The following OSBPL6 variants were observed in gnomAD, a reference collection of about 807,000 sequenced individuals.
OSBPL6 encodes the protein oxysterol binding protein like 6.
Under a neutral mutation model 125.8 loss-of-function variants are expected in OSBPL6, and 49 were observed. The observed-to-expected ratio is 0.39, with a 90% CI of 0.31 to 0.49. The LOEUF is 0.49. Among genes scored for constraint, OSBPL6 ranks in the 20% least tolerant of loss-of-function variants. The probability of loss-of-function intolerance (pLI) is 0.88; values close to 1 mark genes in which losing one functional copy is unlikely to be tolerated. For synonymous variants in OSBPL6, 394 were observed against 391.8 expected (o/e 1.01, Z -0.07); for missense variants, 986 against 1,135.4 (o/e 0.87, Z 1.89).
At chr2:178,209,845 G>A (rs912089795) in intron 1 of OSBPL6, among the ~76,000 whole-genome samples, 13 of 151,516 alleles carry the variant, frequency 8.6e-5, no homozygotes, top group South Asian at 4.2e-4. Context: ...GAAGGCTACA[G>A]GTCTGGCTAC....
chr2:178,313,451 A>G (rs1396281765), intron 3 of OSBPL6, among the ~76,000 whole-genome samples: 5 of 152,206 alleles, frequency 3.3e-5, no homozygotes, highest in African/African-American at 1.2e-4. Flanking sequence ...TATCTCCACC[A>G]GGTTAGACCT....
At chr2:178,361,375 ATAAGT>A (rs1692340336) in intron 12 of OSBPL6, among the ~76,000 whole-genome samples, 1 of 152,260 alleles carries the variant, frequency 6.6e-6, no homozygotes, top group South Asian at 2.1e-4. Flanking sequence ...TCTAGGGATT[ATAAGT>A]TAATTTCTAA....
intron 3 of OSBPL6, among the ~76,000 whole-genome samples, chr2:178,314,290 C>T (rs7584978): frequency 0.11 from 16,046 of 152,172 alleles, 1,039 homozygotes; most frequent in African/African-American, 0.18. Flanking sequence ...CAATTACAAT[C>T]ACCTCCAGTG....
chr2:178,327,208 T>C (rs1241775836), intron 4 of OSBPL6, among the ~76,000 whole-genome samples: 1 of 152,204 alleles, frequency 6.6e-6, no homozygotes, highest in Non-Finnish European at 1.5e-5. Flanking sequence ...TAGTAGCCAT[T>C]ACTACAATCT....
chr2:178,310,277 G>A (rs1033826077), intron 3 of OSBPL6, among the ~76,000 whole-genome samples: 8 of 152,092 alleles, frequency 5.3e-5, no homozygotes, highest in Non-Finnish European at 7.4e-5. Context: ...GCCCTTTAAA[G>A]CATTTGGATT....
At position 178,389,007 on chromosome 2, in the gene OSBPL6, A is replaced by T; in HGVS notation, c.2157-2A>T. ...TTTCATCAGTGTTACATTCTTCACT[A>T]GGTATGGAGATTACTATGTGTGGAA... On this transcript the variant is annotated splice_acceptor_variant, in intron 20 of 24. Transcript: ENST00000190611. LOFTEE classifies it high-confidence loss of function. 1 of 1,613,400 alleles carries T rather than the reference A, an allele frequency of 6.2e-7. No homozygotes were observed. Among genetic ancestry groups the T allele is most frequent in the Non-Finnish European group, 8.5e-7 (1 of 1,179,788 alleles).
At chr2:178,379,599 G>T (rs556136367) in intron 15 of OSBPL6, among the ~76,000 whole-genome samples, 1 of 152,330 alleles carries the variant, frequency 6.6e-6, no homozygotes, top group South Asian at 2.1e-4. Flanking sequence ...CATGCAATGT[G>T]AATTTGGTTT....
intron 20 of OSBPL6, 32 bp from the exon 21 acceptor site, chr2:178,388,977 T>C: frequency 6.2e-7 from 1 of 1,606,646 alleles, no homozygotes; most frequent in Non-Finnish European, 8.5e-7. Context: ...GTGACCTTGG[T>C]TGTTTTTCAT....
chr2:178,337,237 G>T (rs759304346), intron 9 of OSBPL6, among the ~76,000 whole-genome samples: 1 of 151,810 alleles, frequency 6.6e-6, no homozygotes, highest in South Asian at 2.1e-4. Context: ...ATGATATTGG[G>T]CCTATTTTTT....
rs917667700 is a variant in OSBPL6 at position 178,398,520 on chromosome 2, C to T, written c.*2961C>T. ...TGCTGTCACCCAGGGTGCAGATTTA[C>T]TCTCTTTTGCTGTTATTTTATTGTT... On this transcript the variant is annotated 3_prime_UTR_variant, in exon 25 of 25. Coordinates refer to ENST00000190611, the MANE Select transcript of OSBPL6 (RefSeq NM_032523.4). 9 of 152,156 alleles carry T rather than the reference C, an allele frequency of 5.9e-5. No individual in the cohort carries two copies. The highest frequency in any genetic ancestry group is 2.9e-5 in the Non-Finnish European group (2 of 68,026). The allele number at this position is 152,156 out of a possible 1,614,324, so 9.4% of individuals were successfully genotyped here.
At chr2:178,344,260 T>G in intron 11 of OSBPL6, 3 of 1,600,610 alleles carry the variant, frequency 1.9e-6, no homozygotes, top group Non-Finnish European at 2.6e-6. Flanking sequence ...CTGTGTTTCC[T>G]CCCCTCTTCT....
At chr2:178,286,236 T>C (rs1050761093) in intron 2 of OSBPL6, among the ~76,000 whole-genome samples, 2 of 152,218 alleles carry the variant, frequency 1.3e-5, no homozygotes, top group African/African-American at 4.8e-5. Flanking sequence ...AGATTAAAAA[T>C]CTGGTCTTGT....
chr2:178,338,575 G>A (rs1689911562), intron 9 of OSBPL6, among the ~76,000 whole-genome samples: 1 of 152,224 alleles, frequency 6.6e-6, no homozygotes, highest in South Asian at 2.1e-4. Context: ...CTATTTTTCT[G>A]AACTTGATTT....
intron 1 of OSBPL6, among the ~76,000 whole-genome samples, chr2:178,266,763 T>C (rs2154021717): frequency 6.6e-6 from 1 of 152,336 alleles, no homozygotes; most frequent in Non-Finnish European, 1.5e-5. Flanking sequence ...AATTCAAAGT[T>C]CTTTCAACTT....
chr2:178,344,391 T>C (rs1559271575), intron 11 of OSBPL6: 4 of 1,604,666 alleles, frequency 2.5e-6, no homozygotes, highest in Non-Finnish European at 2.6e-6. Flanking sequence ...AGTGGAAGTT[T>C]AATAAGAATG....
In OSBPL6 at chr2:178,227,639, C is replaced by T. The variant is rs189215005; in HGVS notation, c.-351+32965C>T. On this transcript the variant is annotated intron_variant, in intron 1 of 24. Transcript: ENST00000190611. Reference sequence around the variant, plus strand: ...ATCCAAATGAAGTATAACGAAATAACGGCAACATAGATGAATTTTAGCAAT... The same window carrying T: ...ATCCAAATGAAGTATAACGAAATAATGGCAACATAGATGAATTTTAGCAAT... 2.0e-4 allele frequency among the ~76,000 whole-genome samples: 31 copies of T among 152,192 alleles called. 1 individual carries two copies. Among genetic ancestry groups the T allele is most frequent in the African/African-American group, 7.0e-4 (29 of 41,522 alleles).
intron 1 of OSBPL6, among the ~76,000 whole-genome samples, chr2:178,225,678 A>G (rs549484497): frequency 1.3e-5 from 2 of 152,334 alleles, no homozygotes; most frequent in African/African-American, 4.8e-5. Flanking sequence ...AGGCCTCACA[A>G]TCATGGCAGA....
At position 178,269,580 on chromosome 2, in the gene OSBPL6, T is replaced by C. The variant is rs938894390; in HGVS notation, c.-350-15347T>C. 8.5e-5 allele frequency among the ~76,000 whole-genome samples: 13 copies of C among 152,308 alleles called. No homozygotes were observed. In the South Asian group the frequency reaches 2.5e-3, roughly 29 times the overall value. On this transcript the variant is annotated intron_variant, in intron 1 of 24. Coordinates refer to ENST00000190611, the MANE Select transcript of OSBPL6 (RefSeq NM_032523.4). ...GTCAGTAGAGTTCATTTAAAATGTA[T>C]AAAGACTCTGGTCATTGCAACCCAA...
intron 1 of OSBPL6, among the ~76,000 whole-genome samples, chr2:178,236,814 C>T (rs139866346): frequency 1.0e-3 from 156 of 152,232 alleles, no homozygotes; most frequent in African/African-American, 1.8e-3. Flanking sequence ...CCAGAATTAC[C>T]GTCTTTGACC....
Sources: allele counts gnomAD v4.1 joint callset (sites outside exome capture counted in the v4.1 genomes callset), GRCh38; gene constraint gnomAD v4.1.1; transcripts MANE v1.5; gene names NCBI Gene and HGNC (gene_info 2026-07-23, HGNC 2026-07-21).